Variants in NCOA1 observed in about 807,000 individuals in gnomAD.
NCOA1 encodes the protein nuclear receptor coactivator 1, also known as Hin-2 protein.
NCOA1 carries 35 observed loss-of-function variants against 150.9 expected under a neutral mutation model. The observed-to-expected ratio is 0.23, with a 90% confidence interval of 0.18 to 0.31. NCOA1 has a LOEUF of 0.31. NCOA1 is among the 10% of genes least tolerant of loss of function. The pLI, the probability that NCOA1 is intolerant of heterozygous loss-of-function variation, is 1.00. For missense variants in NCOA1, 1,491 were observed against 1,749.3 expected, an observed-to-expected ratio of 0.85 and a Z score of 2.63; for synonymous variants, 590 against 630.0, an observed-to-expected ratio of 0.94 and a Z score of 0.95.
intron 9 of NCOA1, among the ~76,000 whole-genome samples, 200 bp from the exon 10 acceptor site, chr2:24,693,052 C>A (rs550913876): frequency 6.6e-6 from 1 of 152,164 alleles, no homozygotes; most frequent in Admixed American, 6.5e-5. Context: ...TTAGTAGATA[C>A]AGGGTTTCAC....
intron 1 of NCOA1, among the ~76,000 whole-genome samples, chr2:24,502,594 A>G (rs1414131856): frequency 6.6e-6 from 1 of 152,026 alleles, no homozygotes; most frequent in Non-Finnish European, 1.5e-5. Context: ...TGGCATTTAA[A>G]CCTTTCCAGT....
Position 24,634,712 on chromosome 2 carries a change from C to A in NCOA1, c.-174-9254C>A, listed in dbSNP as rs975989727. ...CCCTGGATTCCTAGGGGAGGAACCCCCCCCCCCCCCGCCCCCGGAGACAAG... is the reference window on the plus strand; with the variant it reads ...CCCTGGATTCCTAGGGGAGGAACCCACCCCCCCCCCGCCCCCGGAGACAAG... On this transcript the variant is annotated intron_variant, in intron 3 of 22. Transcript: ENST00000348332. Among the ~76,000 whole-genome samples the A allele has an allele frequency of 1.1e-4, 12 of 108,292 alleles. 1 individual carries two copies. Among genetic ancestry groups the A allele is most frequent in the Middle Eastern group, 4.5e-3 (1 of 220 alleles). 71.0% of individuals were successfully genotyped at this position (108,292 alleles called of 152,430 possible).
intron 8 of NCOA1, among the ~76,000 whole-genome samples, chr2:24,688,615 ATTTG>A (rs377311656): frequency 0.012 from 1,801 of 152,024 alleles, 10 homozygotes; most frequent in Non-Finnish European, 0.02. Flanking sequence ...TTCCTTGTAA[ATTTG>A]TTTAAGTTCC....
Position 24,742,959 on chromosome 2 carries a change from C to T in NCOA1, c.3706+773C>T, listed in dbSNP as rs564510860. Reference sequence around the variant, plus strand: ...CAGCTTCCTCTCCAATGTCAGTCAACTTTCTGGCTTCCAAAAGCTTTTTTC... The same window carrying T: ...CAGCTTCCTCTCCAATGTCAGTCAATTTTCTGGCTTCCAAAAGCTTTTTTC... On this transcript the variant is annotated intron_variant, in intron 19 of 22. Transcript: ENST00000348332. Among the ~76,000 whole-genome samples the T allele has an allele frequency of 2.6e-5, 4 of 152,340 alleles. No individual in the cohort carries two copies. In the East Asian group the frequency reaches 7.7e-4, roughly 29 times the overall value.
intron 1 of NCOA1, among the ~76,000 whole-genome samples, chr2:24,492,620 C>T (rs1329963635): frequency 6.6e-6 from 1 of 152,170 alleles, no homozygotes; most frequent in Non-Finnish European, 1.5e-5. Flanking sequence ...ATGCTTGGCC[C>T]TCCTCGTTTC....
At chr2:24,603,541 A>G (rs766750133) in intron 3 of NCOA1, among the ~76,000 whole-genome samples, 1 of 152,212 alleles carries the variant, frequency 6.6e-6, no homozygotes, top group African/African-American at 2.4e-5. Context: ...CTTTGTTGTC[A>G]TTTCACCAAT....
In NCOA1 at chr2:24,710,991, T is replaced by A; in HGVS notation, c.2479T>A (p.Leu827Met). 1 of 1,614,218 alleles carries A rather than the reference T, an allele frequency of 6.2e-7. No individual in the cohort carries two copies. The stretch of plus-strand genomic sequence containing the variant: ...GCCCACGCTGGAGAAGGCAGCACAG[T>A]TGCCAGGCTTATGTGAGACAGACAG... ...LLPTLEKAAQ[L>M]PGLCETDRMD... The change falls in exon 14 of 23, where the codon TTG (leucine) becomes ATG (methionine). Residue 827 changes from leucine (L) to methionine (M), a missense_variant. Around this residue, in one of 8 missense-constraint regions of NCOA1, gnomAD observed 703 missense variants for 717.7 expected, o/e 0.98. Coordinates refer to ENST00000348332, the MANE Select transcript of NCOA1 (RefSeq NM_003743.5).
chr2:24,690,761 A>G (rs941069586), intron 8 of NCOA1, among the ~76,000 whole-genome samples: 1 of 151,338 alleles, frequency 6.6e-6, no homozygotes, highest in South Asian at 2.1e-4. Context: ...GAGCTACCAC[A>G]CGTGGTTTTT....
At chr2:24,679,623 C>A (rs1672073972) in intron 7 of NCOA1, among the ~76,000 whole-genome samples, 1 of 151,996 alleles carries the variant, frequency 6.6e-6, no homozygotes, top group Non-Finnish European at 1.5e-5. Flanking sequence ...TAAATTATTT[C>A]TATTTTTATA....
intron 1 of NCOA1, among the ~76,000 whole-genome samples, chr2:24,548,802 G>T (rs1665711729): frequency 6.6e-6 from 1 of 152,216 alleles, no homozygotes; most frequent in South Asian, 2.1e-4. Flanking sequence ...CTGTTGCGAG[G>T]GGTGGGTTCC....
chr2:24,709,792 A>G (rs747336810), intron 13 of NCOA1, among the ~76,000 whole-genome samples: 1 of 152,258 alleles, frequency 6.6e-6, no homozygotes, highest in Non-Finnish European at 1.5e-5. Context: ...ATCCATCACA[A>G]TAGAATGGAT....
At chr2:24,542,471 A>G (rs1408022137) in intron 1 of NCOA1, among the ~76,000 whole-genome samples, 1 of 152,264 alleles carries the variant, frequency 6.6e-6, no homozygotes, top group Non-Finnish European at 1.5e-5. Flanking sequence ...GAAAATTTGG[A>G]TGACTGGCAT....
chr2:24,671,721 C>T (rs552066269), intron 6 of NCOA1, among the ~76,000 whole-genome samples: 16 of 152,008 alleles, frequency 1.1e-4, no homozygotes, highest in Non-Finnish European at 1.0e-4. Flanking sequence ...CCACCACGCC[C>T]GGCTAATTTT....
At chr2:24,714,558 A>G (rs1172462394) in intron 14 of NCOA1, among the ~76,000 whole-genome samples, 1 of 152,076 alleles carries the variant, frequency 6.6e-6, no homozygotes, top group Admixed American at 6.5e-5. Context: ...TAAAATGAAA[A>G]ATTTGTTGGA....
At chr2:24,617,581 T>C (rs1668927750) in intron 3 of NCOA1, among the ~76,000 whole-genome samples, 1 of 152,130 alleles carries the variant, frequency 6.6e-6, no homozygotes. Context: ...TCTGAACATA[T>C]CTTCTTGGGT....
chr2:24,613,332 C>T lies in NCOA1; in HGVS notation c.-175+28772C>T, dbSNP rs1668718846. 2.0e-5 allele frequency among the ~76,000 whole-genome samples: 3 copies of T among 152,192 alleles called. No homozygotes were observed. In the South Asian group the frequency reaches 6.2e-4, roughly 31 times the overall value. ...TACAGGAAGAAGCTCTCTGTTGCCT[C>T]AGGCATTGGGCTGATACGTGGAGTG... On this transcript the variant is annotated intron_variant, in intron 3 of 22. Coordinates refer to ENST00000348332, the MANE Select transcript of NCOA1 (RefSeq NM_003743.5).
At chr2:24,750,368 A>C (rs1664153918) in intron 19 of NCOA1, among the ~76,000 whole-genome samples, 1 of 152,232 alleles carries the variant, frequency 6.6e-6, no homozygotes, top group Admixed American at 6.5e-5. Flanking sequence ...GCAACAATCA[A>C]GACAATGTGG....
intron 18 of NCOA1, 82 bp downstream of exon 18, chr2:24,739,615 A>T: frequency 9.8e-7 from 1 of 1,023,832 alleles, no homozygotes. Flanking sequence ...GTGTCTTTGA[A>T]ATGGTCTGTG....
chr2:24,514,211 G>A (rs1052870802), intron 1 of NCOA1, among the ~76,000 whole-genome samples: 3 of 149,534 alleles, frequency 2.0e-5, no homozygotes, highest in Admixed American at 2.0e-4. Flanking sequence ...TCTTGAACCC[G>A]GGAGGTGGAG....
Sources: allele counts gnomAD v4.1 joint callset (sites outside exome capture counted in the v4.1 genomes callset), GRCh38; gene constraint gnomAD v4.1.1; regional missense constraint gnomAD v4.1.1; transcripts MANE v1.5; gene names NCBI Gene and HGNC (gene_info 2026-07-23, HGNC 2026-07-21).